The following AOAH variants were observed in gnomAD, a reference collection of about 807,000 sequenced individuals.
AOAH encodes acyloxyacyl hydrolase.
In AOAH, 64 loss-of-function variants were observed where a neutral mutation model predicts 92.2. That is an observed-to-expected ratio of 0.69 (90% CI 0.57 to 0.86). AOAH has a LOEUF of 0.86. Among genes scored for constraint, AOAH ranks in the 40% least tolerant of loss-of-function variants. The pLI, the probability that AOAH is intolerant of heterozygous loss-of-function variation, is 0.00. For missense variants in AOAH, 656 were observed against 694.6 expected (o/e 0.94, Z 0.62); for synonymous variants, 263 against 254.5 (o/e 1.03, Z -0.32).
chr7:36,642,153 T>C (rs1793958196), intron 4 of AOAH, among the ~76,000 whole-genome samples: 1 of 151,648 alleles, frequency 6.6e-6, no homozygotes, highest in African/African-American at 2.4e-5. Context: ...AATTATTAGG[T>C]TGATGCAAAA....
intron 13 of AOAH, among the ~76,000 whole-genome samples, chr7:36,569,622 T>TC (rs1554289054): frequency 9.4e-5 from 14 of 149,224 alleles, no homozygotes; most frequent in African/African-American, 2.5e-4. Context: ...TATCTATCTA[T>TC]TTTTTAGATG....
At chr7:36,637,484 T>C (rs1447129959) in intron 5 of AOAH, among the ~76,000 whole-genome samples, 1 of 151,898 alleles carries the variant, frequency 6.6e-6, no homozygotes, top group Non-Finnish European at 1.5e-5. Context: ...CCAGGGGACA[T>C]TTGGCAATGC....
intron 1 of AOAH, among the ~76,000 whole-genome samples, chr7:36,716,322 A>C (rs1386488215): frequency 3.3e-5 from 5 of 151,442 alleles, no homozygotes; most frequent in Non-Finnish European, 7.4e-5. Context: ...GTCAGGAAAC[A>C]ACAGGTGCTG....
intron 13 of AOAH, among the ~76,000 whole-genome samples, chr7:36,550,563 G>A (rs1166103020): frequency 6.6e-6 from 1 of 152,156 alleles, no homozygotes; most frequent in African/African-American, 2.4e-5. Flanking sequence ...GTTCATACCA[G>A]TCCCTTCCGT....
intron 12 of AOAH, among the ~76,000 whole-genome samples, chr7:36,582,072 C>A (rs1788968081): frequency 6.6e-6 from 1 of 152,158 alleles, no homozygotes; most frequent in Non-Finnish European, 1.5e-5. Flanking sequence ...ATAGGACAAG[C>A]TGAGGCTACT....
At chr7:36,662,664 C>T (rs1291961958) in intron 3 of AOAH, among the ~76,000 whole-genome samples, 2 of 152,094 alleles carry the variant, frequency 1.3e-5, no homozygotes, top group African/African-American at 4.8e-5. Flanking sequence ...CTGTGGCAAT[C>T]CAGGACAAGC....
intron 1 of AOAH, among the ~76,000 whole-genome samples, chr7:36,707,825 C>T (rs527386762): frequency 6.6e-5 from 8 of 121,064 alleles, no homozygotes; most frequent in African/African-American, 2.5e-4. Flanking sequence ...GATCTGTAGG[C>T]TAATGTTTTT....
At chr7:36,584,521 A>ATT (rs138375849) in intron 12 of AOAH, among the ~76,000 whole-genome samples, 2 of 151,978 alleles carry the variant, frequency 1.3e-5, no homozygotes, top group African/African-American at 4.8e-5. Context: ...TCTTTATTTC[A>ATT]TTTTTTCCAC....
rs79767243 is a variant in AOAH at position 36,672,124 on chromosome 7, C to G, written c.290+1819G>C. On this transcript the variant is annotated intron_variant, in intron 3 of 20. Transcript: ENST00000617537. Reference sequence around the variant, plus strand: ...AAGGGTCCCTGCCTTCCAAACACAGCCCAGGGGTTATGAAAAATTGTTTGC... The same window carrying G: ...AAGGGTCCCTGCCTTCCAAACACAGGCCAGGGGTTATGAAAAATTGTTTGC... Among the ~76,000 whole-genome samples the G allele has an allele frequency of 2.0e-4, 30 of 152,220 alleles. No homozygotes were observed. The East Asian group carries it at 5.8e-3, about 29-fold the overall frequency.
intron 1 of AOAH, among the ~76,000 whole-genome samples, chr7:36,708,689 G>C (rs1295905390): frequency 6.6e-6 from 1 of 152,080 alleles, no homozygotes; most frequent in East Asian, 1.9e-4. Flanking sequence ...ATTTTTCTAA[G>C]AGTTGTTGTC....
At position 36,532,191 on chromosome 7, in the gene AOAH, C is replaced by A. The variant is rs371233935; in HGVS notation, c.1381G>T (p.Gly461Cys). 1.9e-6 allele frequency: 3 copies of A among 1,614,160 alleles called. No individual in the cohort carries two copies. The highest frequency in any genetic ancestry group is 2.2e-5 in the East Asian group (1 of 44,880). The change falls in exon 18 of 21, where the codon GGC (glycine) becomes TGC (cysteine). Residue 461 changes from glycine to cysteine, a missense_variant. Coordinates refer to ENST00000617537, the MANE Select transcript of AOAH (RefSeq NM_001637.4). Reference protein sequence around the residue: ...LNCLQVSPCHGWMSSNKTLRT... With the variant: ...LNCLQVSPCHCWMSSNKTLRT... Reference sequence around the variant, plus strand: ...AACGTCTTGTTGGAAGACATCCAGCCGTGGCAGGGGCTGACCTGAGAGCGG... The same window carrying A: ...AACGTCTTGTTGGAAGACATCCAGCAGTGGCAGGGGCTGACCTGAGAGCGG...
At chr7:36,514,482 T>C in intron 20 of AOAH, 1 of 1,535,386 alleles carries the variant, frequency 6.5e-7, no homozygotes, top group Non-Finnish European at 8.7e-7. Flanking sequence ...TCTCTGGTTC[T>C]GCTGTCGCAT....
intron 20 of AOAH, among the ~76,000 whole-genome samples, chr7:36,520,445 C>A (rs1192253165): frequency 1.3e-5 from 2 of 152,210 alleles, no homozygotes; most frequent in African/African-American, 4.8e-5. Context: ...GTGGCTCACG[C>A]CTGTAATCCC....
intron 2 of AOAH, 42 bp downstream of exon 2, chr7:36,686,657 G>T: frequency 1.6e-6 from 2 of 1,236,880 alleles, no homozygotes; most frequent in Non-Finnish European, 2.2e-6. Flanking sequence ...ATGAGTGAGA[G>T]GACAAGCAGA....
intron 1 of AOAH, among the ~76,000 whole-genome samples, chr7:36,704,568 G>A (rs942745824): frequency 2.0e-5 from 3 of 152,048 alleles, no homozygotes; most frequent in African/African-American, 7.2e-5. Flanking sequence ...GGTACAAAGA[G>A]GAGGAGCTGG....
intron 13 of AOAH, 94 bp downstream of exon 13, chr7:36,576,480 C>G (rs1052312352): frequency 2.7e-6 from 2 of 736,410 alleles, no homozygotes. Flanking sequence ...ATTCTGTGAT[C>G]CTTGTTATCT....
At chr7:36,629,174 G>T (rs1792886071) in intron 6 of AOAH, among the ~76,000 whole-genome samples, 1 of 152,196 alleles carries the variant, frequency 6.6e-6, no homozygotes, top group South Asian at 2.1e-4. Flanking sequence ...AACCAGTTGT[G>T]ACCTGCTGCA....
rs1349983598 is a variant in AOAH, at chr7:36,629,669, T to TTAAC, written c.521+2363_521+2366dup. ...CCAGAAGATTGGCTAGGAAGAGTTT[T>TTAAC]TAACTGTTTAACTCTTGGATCTCTC... On this transcript the variant is annotated intron_variant, in intron 6 of 20. Transcript: ENST00000617537. 1.0e-3 allele frequency among the ~76,000 whole-genome samples: 155 copies of TTAAC among 152,242 alleles called. 1 individual carries two copies. The highest frequency in any genetic ancestry group is 5.9e-5 in the Non-Finnish European group (4 of 68,022).
At chr7:36,720,440 G>A (rs1390427084) in intron 1 of AOAH, among the ~76,000 whole-genome samples, 1 of 151,886 alleles carries the variant, frequency 6.6e-6, no homozygotes, top group East Asian at 1.9e-4. Flanking sequence ...CAAAGTGCTG[G>A]GATTACAGGC....
Sources: gnomAD v4.1 joint callset for allele counts (sites outside exome capture counted in the v4.1 genomes callset) on GRCh38, gnomAD v4.1.1 for gene constraint, MANE v1.5 for transcripts, NCBI Gene and HGNC (gene_info 2026-07-23, HGNC 2026-07-21) for gene names.